The following MLLT3 variants were observed in gnomAD, a reference collection of about 807,000 sequenced individuals.
MLLT3 encodes protein AF-9.
A neutral mutation model predicts 53.2 loss-of-function variants in MLLT3; 4 were observed. The ratio of observed to expected loss-of-function variants is 0.08; its 90% CI spans 0.04 to 0.17. MLLT3 has a LOEUF of 0.17. Among genes scored for constraint, MLLT3 ranks in the 10% least tolerant of loss-of-function variants. MLLT3 has a pLI of 1.00. For synonymous variants in MLLT3, 283 were observed against 230.6 expected (o/e 1.23, Z -2.06); for missense variants, 569 against 684.0 (o/e 0.83, Z 1.87).
At chr9:20,347,709 G>A (rs79700337) in intron 10 of MLLT3, among the ~76,000 whole-genome samples, 3,150 of 152,252 alleles carry the variant, frequency 0.021, 115 homozygotes, top group African/African-American at 0.069. Flanking sequence ...GGCAATAAAA[G>A]AAAATTTGCA....
intron 5 of MLLT3, among the ~76,000 whole-genome samples, chr9:20,399,349 A>G (rs1822399402): frequency 1.3e-5 from 2 of 152,068 alleles, no homozygotes; most frequent in Admixed American, 6.6e-5. Context: ...GCACTATTAA[A>G]CTCAATATTT....
intron 3 of MLLT3, among the ~76,000 whole-genome samples, chr9:20,453,926 T>C (rs1226862361): frequency 6.6e-6 from 1 of 152,202 alleles, no homozygotes; most frequent in African/African-American, 2.4e-5. Flanking sequence ...ATATGTATTA[T>C]TGTGTACATG....
chr9:20,610,247 A>T (rs1464355387), intron 2 of MLLT3, among the ~76,000 whole-genome samples: 1 of 152,142 alleles, frequency 6.6e-6, no homozygotes, highest in Non-Finnish European at 1.5e-5. Flanking sequence ...ATTAGGTAGT[A>T]AAAAAATGAT....
At chr9:20,486,539 C>G (rs1221464737) in intron 2 of MLLT3, among the ~76,000 whole-genome samples, 1 of 152,100 alleles carries the variant, frequency 6.6e-6, no homozygotes, top group African/African-American at 2.4e-5. Context: ...TGGCAAACCT[C>G]CAGAAAAAAG....
At chr9:20,515,951 G>GA (rs1817903065) in intron 2 of MLLT3, among the ~76,000 whole-genome samples, 1 of 152,190 alleles carries the variant, frequency 6.6e-6, no homozygotes, top group Non-Finnish European at 1.5e-5. Context: ...TTTTATACAA[G>GA]AAAAAGACTC....
chr9:20,576,616 T>A (rs1460024502), intron 2 of MLLT3, among the ~76,000 whole-genome samples: 1 of 152,120 alleles, frequency 6.6e-6, no homozygotes, highest in Non-Finnish European at 1.5e-5. Flanking sequence ...AGCATATATC[T>A]AGTTCGCCAT....
chr9:20,356,858 T>C (rs759562885), intron 8 of MLLT3, among the ~76,000 whole-genome samples: 16 of 152,242 alleles, frequency 1.1e-4, no homozygotes, highest in Non-Finnish European at 1.9e-4. Flanking sequence ...AGTTTCTTTC[T>C]TCTGAAGTTG....
chr9:20,467,011 G>C (rs1011383288), intron 2 of MLLT3, among the ~76,000 whole-genome samples: 3 of 152,210 alleles, frequency 2.0e-5, no homozygotes, highest in Non-Finnish European at 4.4e-5. Flanking sequence ...ATACAAGCTA[G>C]AGTATATATG....
intron 2 of MLLT3, among the ~76,000 whole-genome samples, chr9:20,551,573 C>T (rs1324633369): frequency 1.3e-5 from 2 of 152,018 alleles, no homozygotes; most frequent in Admixed American, 6.6e-5. Context: ...ACTTTTAATT[C>T]AAAAACAAAC....
chr9:20,576,300 G>A (rs758549239), intron 2 of MLLT3, among the ~76,000 whole-genome samples: 1 of 152,140 alleles, frequency 6.6e-6, no homozygotes, highest in Non-Finnish European at 1.5e-5. Context: ...CTCCATATCA[G>A]CAATAAGGCT....
rs548562473 is a variant in MLLT3 at position 20,587,554 on chromosome 9, C to T, written c.193+33100G>A. ...AAAGAAAAAAAAATACTCATTTTAA[C>T]CATTAAAAGAAAAAAATCTATAATG... is the stretch of plus-strand genomic sequence containing the variant. On this transcript the variant is annotated intron_variant, in intron 2 of 10. Coordinates refer to ENST00000380338, the MANE Select transcript of MLLT3 (RefSeq NM_004529.4). Among the ~76,000 whole-genome samples the T allele has an allele frequency of 2.0e-5, 3 of 152,178 alleles. No individual in the cohort carries two copies. The South Asian group carries it at 6.2e-4, about 32-fold the overall frequency.
chr9:20,552,759 A>C (rs1437946008), intron 2 of MLLT3, among the ~76,000 whole-genome samples: 2 of 152,208 alleles, frequency 1.3e-5, no homozygotes, highest in Non-Finnish European at 2.9e-5. Flanking sequence ...CTTAGGAAAT[A>C]GTTTTAATAG....
intron 2 of MLLT3, among the ~76,000 whole-genome samples, chr9:20,542,728 G>A (rs1306691897): frequency 6.6e-6 from 1 of 152,172 alleles, no homozygotes; most frequent in Non-Finnish European, 1.5e-5. Context: ...AATGGTAAAT[G>A]AGCAGTGGCC....
intron 2 of MLLT3, among the ~76,000 whole-genome samples, chr9:20,514,984 T>C (rs533920864): frequency 2.2e-4 from 32 of 147,392 alleles, no homozygotes; most frequent in African/African-American, 7.3e-4. Context: ...TCTTGCACTG[T>C]TGCCCGGGCT....
intron 5 of MLLT3, among the ~76,000 whole-genome samples, chr9:20,386,651 T>G (rs1315945842): frequency 1.3e-5 from 2 of 152,176 alleles, no homozygotes; most frequent in Non-Finnish European, 2.9e-5. Flanking sequence ...TCTAAAGATG[T>G]GCTGGAATGA....
chr9:20,447,571 G>A (rs1458679820), intron 4 of MLLT3, among the ~76,000 whole-genome samples: 1 of 152,000 alleles, frequency 6.6e-6, no homozygotes, highest in Admixed American at 6.6e-5. Flanking sequence ...CAAATCACAA[G>A]GGCAAAAGTT....
At chr9:20,496,937 T>A (rs1218085285) in intron 2 of MLLT3, among the ~76,000 whole-genome samples, 1 of 152,224 alleles carries the variant, frequency 6.6e-6, no homozygotes, top group Non-Finnish European at 1.5e-5. Flanking sequence ...GGGACACCAC[T>A]GATCCTCCAA....
At chr9:20,474,446 T>A (rs568805316) in intron 2 of MLLT3, among the ~76,000 whole-genome samples, 53 of 152,226 alleles carry the variant, frequency 3.5e-4, no homozygotes, top group African/African-American at 1.2e-3. Flanking sequence ...TCTCAAGGTA[T>A]TGCTGTTAAT....
Position 20,419,605 on chromosome 9 carries a change from C to T in MLLT3, c.421-5180G>A, listed in dbSNP as rs567307522. Among the ~76,000 whole-genome samples the T allele has an allele frequency of 3.3e-5, 5 of 150,968 alleles. No individual in the cohort carries two copies. The South Asian group carries it at 1.0e-3, about 32-fold the overall frequency. On this transcript the variant is annotated intron_variant, in intron 4 of 10. Transcript: ENST00000380338. ...CTTAAAATTGAATAATAATTAAACTCACATTGTGCTTCTCATTTGTAATAC... is the reference window on the plus strand; with the variant it reads ...CTTAAAATTGAATAATAATTAAACTTACATTGTGCTTCTCATTTGTAATAC...
Sources: gnomAD v4.1 joint callset for allele counts (sites outside exome capture counted in the v4.1 genomes callset) on GRCh38, gnomAD v4.1.1 for gene constraint, MANE v1.5 for transcripts, NCBI Gene and HGNC (gene_info 2026-07-23, HGNC 2026-07-21) for gene names.